The following RABGEF1 variants were observed in gnomAD, a reference collection of about 807,000 sequenced individuals.
The protein encoded by RABGEF1 is RAB guanine nucleotide exchange factor 1, also known as rab5 GDP/GTP exchange factor.
A neutral mutation model predicts 57.3 loss-of-function variants in RABGEF1; 26 were observed. The ratio of observed to expected loss-of-function variants is 0.45; its 90% confidence interval spans 0.33 to 0.63. The LOEUF (loss-of-function observed/expected upper bound fraction) is 0.63, where lower values mean the gene tolerates loss of function less well. Among genes scored for constraint, RABGEF1 ranks in the 20% least tolerant of loss-of-function variants. The pLI is 0.02. For missense variants in RABGEF1, 464 were observed against 607.6 expected (o/e 0.76, Z 2.48); for synonymous variants, 185 against 210.7 (o/e 0.88, Z 1.06).
At chr7:66,760,710 G>A (rs1043512719) in intron 1 of RABGEF1, among the ~76,000 whole-genome samples, 5 of 152,060 alleles carry the variant, frequency 3.3e-5, no homozygotes, top group Non-Finnish European at 7.4e-5. Flanking sequence ...CCAAAGTGCT[G>A]GGATTACAGG....
At chr7:66,788,163 G>A (rs1412126073) in intron 4 of RABGEF1, among the ~76,000 whole-genome samples, 3 of 151,884 alleles carry the variant, frequency 2.0e-5, no homozygotes, top group Non-Finnish European at 4.4e-5. Context: ...TAATAAACTT[G>A]GGGCTGGGCG....
intron 2 of RABGEF1, among the ~76,000 whole-genome samples, chr7:66,718,700 C>T (rs369999032): frequency 1.9e-4 from 29 of 152,296 alleles, no homozygotes; most frequent in Non-Finnish European, 2.2e-4. Context: ...GTATGTACCA[C>T]GCAGTGGCCA....
intron 1 of RABGEF1, among the ~76,000 whole-genome samples, chr7:66,747,636 C>T (rs1800554322): frequency 6.6e-6 from 1 of 152,080 alleles, no homozygotes; most frequent in Non-Finnish European, 1.5e-5. Context: ...TGTAGTTCCT[C>T]TGTTGTACAG....
At position 66,810,961 on chromosome 7, in the gene RABGEF1, A is replaced by T. The variant is rs937747710; in HGVS notation, c.*1677A>T. On this transcript the variant is annotated 3_prime_UTR_variant, in exon 9 of 9. Transcript: ENST00000284957. Reference sequence around the variant, plus strand: ...CAGTTCACTGAGTCAGCTGGTTCCCAAGCTCGCACAGAAGGTGATAAGTTA... The same window carrying T: ...CAGTTCACTGAGTCAGCTGGTTCCCTAGCTCGCACAGAAGGTGATAAGTTA... The T allele has an allele frequency of 2.6e-5, 4 of 152,352 alleles. No individual in the cohort carries two copies. The highest frequency in any genetic ancestry group is 7.2e-5 in the African/African-American group (3 of 41,584). 9.4% of individuals were successfully genotyped at this position (152,352 alleles called of 1,614,324 possible).
intron 1 of RABGEF1, among the ~76,000 whole-genome samples, chr7:66,759,481 A>G (rs1803670722): frequency 6.6e-6 from 1 of 152,206 alleles, no homozygotes; most frequent in East Asian, 1.9e-4. Flanking sequence ...TTGGTCACAT[A>G]GTATATTAGT....
intron 7 of RABGEF1, among the ~76,000 whole-genome samples, chr7:66,802,554 A>T (rs1787532637): frequency 6.6e-6 from 1 of 152,242 alleles, no homozygotes; most frequent in East Asian, 1.9e-4. Flanking sequence ...ATTATTAGAC[A>T]GCAGTGAGTT....
chr7:66,795,158 T>A (rs1157889914), intron 4 of RABGEF1, among the ~76,000 whole-genome samples: 3 of 152,120 alleles, frequency 2.0e-5, no homozygotes, highest in Admixed American at 6.5e-5. Flanking sequence ...CAGGAAGCAC[T>A]CTAGCAGGGA....
intron 2 of RABGEF1, 130 bp downstream of exon 2, chr7:66,772,208 T>TC: frequency 4.6e-6 from 3 of 646,788 alleles, no homozygotes; most frequent in Non-Finnish European, 6.9e-6. Flanking sequence ...AGGAAAAGGA[T>TC]GTTTTCCTCT....
chr7:66,745,872 A>C (rs1395551522), intron 1 of RABGEF1, among the ~76,000 whole-genome samples: 1 of 152,118 alleles, frequency 6.6e-6, no homozygotes. Context: ...AAGTGGGAGA[A>C]TCGCTTGAGC....
At chr7:66,745,652 T>G (rs1800025826) in intron 1 of RABGEF1, among the ~76,000 whole-genome samples, 2 of 151,720 alleles carry the variant, frequency 1.3e-5, no homozygotes, top group South Asian at 4.2e-4. Flanking sequence ...GCCTGTGATC[T>G]CAGCTACTCG....
chr7:66,785,807 G>C (rs1811036070), intron 4 of RABGEF1, among the ~76,000 whole-genome samples: 1 of 152,092 alleles, frequency 6.6e-6, no homozygotes, highest in African/African-American at 2.4e-5. Context: ...CTGGGAGGCG[G>C]AGCTTGCAGT....
chr7:66,801,834 A>G (rs765134386), intron 7 of RABGEF1, among the ~76,000 whole-genome samples: 1 of 152,190 alleles, frequency 6.6e-6, no homozygotes, highest in African/African-American at 2.4e-5. Flanking sequence ...CTATGGGGGC[A>G]GTGGTTCTTA....
chr7:66,740,988 G>A (rs1405317070), intron 1 of RABGEF1, among the ~76,000 whole-genome samples, 196 bp downstream of exon 1: 2 of 152,160 alleles, frequency 1.3e-5, no homozygotes, highest in Non-Finnish European at 2.9e-5. Context: ...CCCCGTTCCA[G>A]GCCGCCCTCG....
chr7:66,676,186 G>A, the RABGEF1 span, among the ~76,000 whole-genome samples: 1 of 152,070 alleles, frequency 6.6e-6, no homozygotes, highest in Admixed American at 6.6e-5. Context: ...CAGGAGTGGT[G>A]GCCCGTGAAT....
intron 1 of RABGEF1, among the ~76,000 whole-genome samples, chr7:66,767,000 C>CTTTTTTT (rs34123866): frequency 2.9e-5 from 3 of 102,596 alleles, no homozygotes; most frequent in Admixed American, 1.1e-4. Context: ...TGTCAAGTTT[C>CTTTTTTT]TTTTTTTTTT....
intron 2 of RABGEF1, among the ~76,000 whole-genome samples, chr7:66,716,799 G>A (rs899745182): frequency 6.6e-6 from 1 of 152,118 alleles, no homozygotes; most frequent in African/African-American, 2.4e-5. Context: ...TGAGACAGGA[G>A]ACAAGGTCTT....
At chr7:66,734,933 G>C (rs1797777267) in intron 2 of RABGEF1, among the ~76,000 whole-genome samples, 1 of 152,124 alleles carries the variant, frequency 6.6e-6, no homozygotes, top group African/African-American at 2.4e-5. Flanking sequence ...AAACAGGTTT[G>C]TCTTTTTCCG....
At chr7:66,797,254 A>T (rs1283702518) in intron 5 of RABGEF1, 120 bp from the exon 6 acceptor site, 2 of 1,064,332 alleles carry the variant, frequency 1.9e-6, no homozygotes, top group East Asian at 3.0e-5. Context: ...CAGTGAGCCA[A>T]GGTCATGCTG....
intron 7 of RABGEF1, among the ~76,000 whole-genome samples, chr7:66,801,022 T>C (rs1375142008): frequency 6.6e-6 from 1 of 152,232 alleles, no homozygotes; most frequent in Non-Finnish European, 1.5e-5. Flanking sequence ...AAGTAACAAA[T>C]ACGAGGTCTG....
Sources: allele counts gnomAD v4.1 joint callset (sites outside exome capture counted in the v4.1 genomes callset), GRCh38; gene constraint gnomAD v4.1.1; transcripts MANE v1.5; gene names NCBI Gene and HGNC (gene_info 2026-07-23, HGNC 2026-07-21).